SYNE2: variants seen among roughly 807,000 people sequenced by gnomAD.
SYNE2 encodes spectrin repeat containing nuclear envelope protein 2.
Under a neutral mutation model 856.3 loss-of-function variants are expected in SYNE2, and 431 were observed. The ratio of observed to expected loss-of-function variants is 0.50; its 90% confidence interval spans 0.47 to 0.55. SYNE2 has a LOEUF of 0.55. Among genes scored for constraint, SYNE2 ranks in the 20% least tolerant of loss-of-function variants. The pLI, the probability that SYNE2 is intolerant of heterozygous loss-of-function variation, is 0.00. For synonymous variants in SYNE2, 2,923 were observed against 2,872.3 expected, an observed-to-expected ratio of 1.02 and a Z score of -0.56; for missense variants, 8,129 against 8,023.2, an observed-to-expected ratio of 1.01 and a Z score of -0.50.
chr14:63,889,387 G>A (rs2095075144), intron 1 of SYNE2, among the ~76,000 whole-genome samples: 1 of 151,958 alleles, frequency 6.6e-6, no homozygotes, highest in Non-Finnish European at 1.5e-5. Context: ...TGGTGTAGGG[G>A]AGGAAAGGGG....
At chr14:64,099,737 T>C (rs1311185364) in intron 63 of SYNE2, 1 of 105,610 alleles carries the variant, frequency 9.5e-6, no homozygotes, top group Non-Finnish European at 1.9e-5. Flanking sequence ...CAAGCTGTGA[T>C]TTTTTTTTCT....
intron 1 of SYNE2, among the ~76,000 whole-genome samples, chr14:63,825,442 T>C (rs1889390665): frequency 6.6e-6 from 1 of 152,122 alleles, no homozygotes; most frequent in Admixed American, 6.6e-5. Flanking sequence ...TGTATTTCTA[T>C]ATACTGTCAA....
rs749018754 is a variant in SYNE2 at position 64,165,459 on chromosome 14, T to TA, written c.16605+57dup. ...TAAGGGCTTAGACTCACCATAAGGT[T>TA]AAAAAAAATAAGCTGATTACTGTGA... On this transcript the variant is annotated intron_variant, in intron 90 of 115. Transcript: ENST00000555002. 6.2e-5 allele frequency: 98 copies of TA among 1,589,246 alleles called. 1 individual carries two copies. The highest frequency in any genetic ancestry group is 4.5e-4 in the South Asian group (41 of 90,242).
intron 109 of SYNE2, among the ~76,000 whole-genome samples, chr14:64,218,820 A>C (rs1031000606): frequency 2.0e-5 from 3 of 152,312 alleles, no homozygotes; most frequent in African/African-American, 4.8e-5. Flanking sequence ...GTGTTATCTC[A>C]AGTGTCTCTT....
intron 59 of SYNE2, 41 bp downstream of exon 59, chr14:64,089,737 T>G: frequency 6.9e-7 from 1 of 1,439,384 alleles, no homozygotes; most frequent in Non-Finnish European, 9.7e-7. Flanking sequence ...CTTATGATAC[T>G]TATTATGTCT....
In SYNE2 at chr14:64,186,552, C is replaced by T. The variant is rs1596080039; in HGVS notation, c.17685C>T (p.His5895=). The T allele has an allele frequency of 6.2e-7, 1 of 1,614,196 alleles. No individual in the cohort carries two copies. Among genetic ancestry groups the T allele is most frequent in the Non-Finnish European group, 8.5e-7 (1 of 1,180,040 alleles). Reference sequence around the variant, plus strand: ...TGAAGGAGCAAATAGAGCATTTGCACAGACAATGGGAGGACCTCTGCTTAA... The same window carrying T: ...TGAAGGAGCAAATAGAGCATTTGCATAGACAATGGGAGGACCTCTGCTTAA... ...MVLKEQIEHL[H]RQWEDLCLRV... is the part of the protein sequence containing the mutation. The change falls in exon 97 of 116, where the codon CAC becomes CAT. Residue 5895 remains histidine, a synonymous_variant. Coordinates refer to ENST00000555002, the MANE Select transcript of SYNE2 (RefSeq NM_182914.3).
chr14:64,150,043 A>C (rs1595854188), intron 84 of SYNE2, among the ~76,000 whole-genome samples: 3 of 111,764 alleles, frequency 2.7e-5, no homozygotes, highest in African/African-American at 3.6e-5. Flanking sequence ...ACAGGGTCTC[A>C]CTCTGTCACC....
chr14:63,984,512 C>T (rs557847339), intron 18 of SYNE2, among the ~76,000 whole-genome samples: 12 of 152,076 alleles, frequency 7.9e-5, no homozygotes, highest in Admixed American at 3.9e-4. Context: ...TAGCCCCTGG[C>T]CTCTGTGTGT....
chr14:64,090,822 A>T, intron 59 of SYNE2, 44 bp from the exon 60 acceptor site: 1 of 1,544,822 alleles, frequency 6.5e-7, no homozygotes, highest in Non-Finnish European at 8.9e-7. Context: ...AACAGTGGCC[A>T]TTGTCTTTTC....
intron 1 of SYNE2, among the ~76,000 whole-genome samples, chr14:63,906,842 C>T (rs748000763): frequency 2.4e-4 from 37 of 152,194 alleles, no homozygotes; most frequent in Non-Finnish European, 5.0e-4. Context: ...TGACAGAAAT[C>T]TAATCCAAGA....
At chr14:64,054,961 A>G (rs1452180450) in intron 48 of SYNE2, among the ~76,000 whole-genome samples, 3 of 152,224 alleles carry the variant, frequency 2.0e-5, no homozygotes, top group Non-Finnish European at 4.4e-5. Flanking sequence ...TAAATGAGTA[A>G]TTTGAGTATT....
At chr14:63,845,979 G>A (rs1161028989) in intron 1 of SYNE2, among the ~76,000 whole-genome samples, 2 of 151,040 alleles carry the variant, frequency 1.3e-5, no homozygotes, top group Non-Finnish European at 2.9e-5. Context: ...CTTGACCCCA[G>A]GTGATCCACC....
intron 66 of SYNE2, among the ~76,000 whole-genome samples, chr14:64,117,108 C>G (rs937538242): frequency 4.6e-5 from 7 of 152,224 alleles, no homozygotes; most frequent in Admixed American, 6.5e-5. Context: ...GTACCAAACT[C>G]TGTGTGTATT....
intron 108 of SYNE2, among the ~76,000 whole-genome samples, chr14:64,217,314 T>C (rs557016226): frequency 6.6e-6 from 1 of 152,332 alleles, no homozygotes; most frequent in Admixed American, 6.5e-5. Context: ...ATTGGTTTGT[T>C]GTTTATAGCA....
intron 1 of SYNE2, among the ~76,000 whole-genome samples, chr14:63,894,430 C>A (rs1429282838): frequency 6.6e-6 from 1 of 152,092 alleles, no homozygotes; most frequent in East Asian, 1.9e-4. Flanking sequence ...CTATGTTGCC[C>A]AGGCTGGTCT....
intron 1 of SYNE2, among the ~76,000 whole-genome samples, chr14:63,898,025 G>A (rs2095281584): frequency 6.6e-6 from 1 of 152,198 alleles, no homozygotes; most frequent in Non-Finnish European, 1.5e-5. Context: ...ATCATGAGCT[G>A]CTTTATGTTC....
At chr14:64,056,423 T>G (rs1186862312) in intron 49 of SYNE2, among the ~76,000 whole-genome samples, 157 bp downstream of exon 49, 1 of 151,504 alleles carries the variant, frequency 6.6e-6, no homozygotes, top group South Asian at 2.1e-4. Flanking sequence ...TATGGTTAAG[T>G]AGAAAAAAAT....
At chr14:63,778,319 G>A (rs775738173) in intron 1 of SYNE2, among the ~76,000 whole-genome samples, 5 of 152,040 alleles carry the variant, frequency 3.3e-5, no homozygotes, top group African/African-American at 4.8e-5. Flanking sequence ...ATGCAGAACC[G>A]TGAGTCAATT....
intron 5 of SYNE2, 35 bp downstream of exon 5, chr14:63,941,997 A>T: frequency 6.2e-7 from 1 of 1,601,262 alleles, no homozygotes; most frequent in South Asian, 1.1e-5. Flanking sequence ...TTCACAGGAG[A>T]GATTAATGCT....
Sources: allele counts gnomAD v4.1 joint callset (sites outside exome capture counted in the v4.1 genomes callset), GRCh38; gene constraint gnomAD v4.1.1; transcripts MANE v1.5; gene names NCBI Gene and HGNC (gene_info 2026-07-23, HGNC 2026-07-21).